Variants in CBFB observed in about 807,000 individuals in gnomAD.
The protein encoded by CBFB is CBF-beta.
In CBFB, 9 loss-of-function variants were observed where a neutral mutation model predicts 30.4. That is an observed-to-expected ratio of 0.30 (90% CI 0.18 to 0.52). The LOEUF (loss-of-function observed/expected upper bound fraction) is 0.52. Among genes scored for constraint, CBFB ranks in the 20% least tolerant of loss-of-function variants. The pLI is 0.97. For synonymous variants in CBFB, 94 were observed against 84.0 expected (o/e 1.12, Z -0.65); for missense variants, 170 against 244.0 (o/e 0.70, Z 2.02).
At chr16:67,071,567 T>C (rs140740634) in intron 4 of CBFB, among the ~76,000 whole-genome samples, 68 of 152,310 alleles carry the variant, frequency 4.5e-4, no homozygotes, top group African/African-American at 1.5e-3. Context: ...ATTTCTGTTG[T>C]TTAAGCCACT....
chr16:67,029,154 G>A lies in CBFB; in HGVS notation c.-254G>A, dbSNP rs565826364. 832 of 167,968 alleles carry A rather than the reference G, an allele frequency of 5.0e-3. 25 individuals are homozygous for A. The highest frequency in any genetic ancestry group is 0.043 in the Admixed American group (646 of 15,070). 10.4% of individuals were successfully genotyped at this position (167,968 alleles called of 1,614,324 possible). On this transcript the variant is annotated 5_prime_UTR_variant, in exon 1 of 6. Coordinates refer to ENST00000412916, the MANE Select transcript of CBFB (RefSeq NM_022845.3). Reference sequence around the variant, plus strand: ...CGGCGGCGGCGGCCGGGGGCGGTGAGCGCTGGGGCTGCGCGGGCGGCAGGC... The same window carrying A: ...CGGCGGCGGCGGCCGGGGGCGGTGAACGCTGGGGCTGCGCGGGCGGCAGGC...
In CBFB at chr16:67,096,708, C is replaced by T. The variant is rs551695553; in HGVS notation, c.496-2002C>T. On this transcript the variant is annotated intron_variant, in intron 5 of 5. Transcript: ENST00000412916. ...AATACATCTGGGCCGGGCGCGGTGG[C>T]TCACTCCTGTAATCCCAGCACTTTG... 3.3e-5 allele frequency among the ~76,000 whole-genome samples: 5 copies of T among 152,102 alleles called. No individual in the cohort carries two copies. In the South Asian group the frequency reaches 6.2e-4, roughly 19 times the overall value.
chr16:67,039,941 T>G (rs1460619471), intron 3 of CBFB, among the ~76,000 whole-genome samples: 1 of 152,220 alleles, frequency 6.6e-6, no homozygotes, highest in East Asian at 1.9e-4. Context: ...ATAGGTCATG[T>G]ATTTCTCAGA....
chr16:67,055,707 A>G (rs1386039319), intron 3 of CBFB, among the ~76,000 whole-genome samples: 1 of 152,088 alleles, frequency 6.6e-6, no homozygotes, highest in Non-Finnish European at 1.5e-5. Flanking sequence ...TTGGACTGTA[A>G]GATGATCGGT....
At chr16:67,059,000 T>A (rs1253370878) in intron 3 of CBFB, among the ~76,000 whole-genome samples, 3 of 152,194 alleles carry the variant, frequency 2.0e-5, no homozygotes, top group East Asian at 3.9e-4. Flanking sequence ...AGTTACTCTG[T>A]TTTAATTGCC....
intron 3 of CBFB, among the ~76,000 whole-genome samples, chr16:67,059,191 A>G (rs1483165932): frequency 6.6e-6 from 1 of 152,256 alleles, no homozygotes. Context: ...TTCATAGAAT[A>G]AGTACCTTCC....
At chr16:67,071,615 T>TA (rs899083773) in intron 4 of CBFB, among the ~76,000 whole-genome samples, 1 of 152,196 alleles carries the variant, frequency 6.6e-6, no homozygotes, top group Non-Finnish European at 1.5e-5. Flanking sequence ...CTCAGATGAC[T>TA]AAAACACTAG....
intron 5 of CBFB, among the ~76,000 whole-genome samples, chr16:67,090,818 T>C (rs999913854): frequency 2.6e-5 from 4 of 152,230 alleles, no homozygotes; most frequent in Admixed American, 6.5e-5. Context: ...ATTCAAATCA[T>C]AGAATTTTAT....
At chr16:67,051,384 G>A (rs76435020) in intron 3 of CBFB, among the ~76,000 whole-genome samples, 9,537 of 151,870 alleles carry the variant, frequency 0.063, 482 homozygotes, top group African/African-American at 0.13. Context: ...ATAATGTAAT[G>A]TATTTATATG....
rs186535823 is a variant in CBFB, at chr16:67,040,726, A to T, written c.282+3971A>T. Among the ~76,000 whole-genome samples, 11 of 152,324 alleles carry T rather than the reference A, an allele frequency of 7.2e-5. No homozygotes were observed. In the East Asian group the frequency reaches 2.1e-3, roughly 29 times the overall value. On this transcript the variant is annotated intron_variant, in intron 3 of 5. Coordinates refer to ENST00000412916, the MANE Select transcript of CBFB (RefSeq NM_022845.3). Reference sequence around the variant, plus strand: ...ATGTAATAGCTTACAAAGTGACAGTACCTTTGGGAAAAAGGAAAGGTATTA... The same window carrying T: ...ATGTAATAGCTTACAAAGTGACAGTTCCTTTGGGAAAAAGGAAAGGTATTA...
intron 3 of CBFB, among the ~76,000 whole-genome samples, chr16:67,042,530 G>A (rs973824089): frequency 2.1e-4 from 32 of 152,272 alleles, no homozygotes; most frequent in Admixed American, 2.0e-3. Context: ...AGGTTTCCTT[G>A]TGCCCCTTTG....
intron 3 of CBFB, among the ~76,000 whole-genome samples, chr16:67,046,665 T>G (rs1170703372): frequency 6.6e-6 from 1 of 152,230 alleles, no homozygotes; most frequent in Non-Finnish European, 1.5e-5. Flanking sequence ...CATGCCCCCT[T>G]GCAGGTAGTG....
At chr16:67,092,267 T>C (rs1226582995) in intron 5 of CBFB, among the ~76,000 whole-genome samples, 4 of 152,210 alleles carry the variant, frequency 2.6e-5, no homozygotes, top group Non-Finnish European at 5.9e-5. Flanking sequence ...GAACTCATTC[T>C]TTTTTATGGC....
At chr16:67,070,078 T>TA (rs1445547521) in intron 4 of CBFB, among the ~76,000 whole-genome samples, 24 of 152,350 alleles carry the variant, frequency 1.6e-4, no homozygotes, top group Admixed American at 7.2e-4. Flanking sequence ...TTAATAAAGT[T>TA]AAAATAATAA....
At chr16:67,072,439 AT>A (rs1961250709) in intron 4 of CBFB, among the ~76,000 whole-genome samples, 1 of 151,370 alleles carries the variant, frequency 6.6e-6, no homozygotes, top group Non-Finnish European at 1.5e-5. Flanking sequence ...GAATATATAG[AT>A]TTTTCAATAT....
intron 5 of CBFB, among the ~76,000 whole-genome samples, chr16:67,088,870 T>C (rs577870791): frequency 6.6e-6 from 1 of 152,344 alleles, no homozygotes; most frequent in South Asian, 2.1e-4. Context: ...TTAATCTATG[T>C]GTAAGGTTAA....
chr16:67,029,680 C>A, intron 1 of CBFB, 47 bp from the exon 2 acceptor site: 2 of 1,495,556 alleles, frequency 1.3e-6, no homozygotes, highest in Non-Finnish European at 1.8e-6. Context: ...GGCGCGCGGG[C>A]GGCGCCGCGG....
intron 3 of CBFB, among the ~76,000 whole-genome samples, chr16:67,040,519 G>C (rs535398495): frequency 9.2e-5 from 14 of 152,308 alleles, no homozygotes; most frequent in Non-Finnish European, 2.1e-4. Flanking sequence ...TTGCTGTTGA[G>C]AGTAACTGAA....
intron 4 of CBFB, among the ~76,000 whole-genome samples, chr16:67,071,628 G>T (rs1413940378): frequency 6.6e-6 from 1 of 152,168 alleles, no homozygotes; most frequent in Non-Finnish European, 1.5e-5. Context: ...AACACTAGCT[G>T]TGTGATGCTG....
Sources: allele counts gnomAD v4.1 joint callset (sites outside exome capture counted in the v4.1 genomes callset), GRCh38; gene constraint gnomAD v4.1.1; transcripts MANE v1.5; gene names NCBI Gene and HGNC (gene_info 2026-07-23, HGNC 2026-07-21).